The following PPP1R16B variants were observed in gnomAD, a reference collection of about 807,000 sequenced individuals.
The protein encoded by PPP1R16B is protein phosphatase 1 regulatory subunit 16B, also known as protein phosphatase 1 regulatory inhibitor subunit 16B.
Under a neutral mutation model 61.7 loss-of-function variants are expected in PPP1R16B, and 14 were observed. That is an observed-to-expected ratio of 0.23 (90% CI 0.15 to 0.35). The LOEUF (loss-of-function observed/expected upper bound fraction) is 0.35, where lower values mean the gene tolerates loss of function less well. PPP1R16B is among the 10% of genes least tolerant of loss of function. The pLI is 1.00. For synonymous variants in PPP1R16B, 266 were observed against 305.3 expected, an observed-to-expected ratio of 0.87 and a Z score of 1.34; for missense variants, 547 against 752.5, an observed-to-expected ratio of 0.73 and a Z score of 3.19.
At chr20:38,865,450 C>T (rs761123222) in intron 2 of PPP1R16B, among the ~76,000 whole-genome samples, 9 of 152,088 alleles carry the variant, frequency 5.9e-5, no homozygotes, top group African/African-American at 2.2e-4. Context: ...CCACCACGGC[C>T]GGCTAATTTT....
chr20:38,810,064 C>G (rs927593758), intron 1 of PPP1R16B, among the ~76,000 whole-genome samples: 5 of 149,696 alleles, frequency 3.3e-5, no homozygotes, highest in African/African-American at 1.2e-4. Flanking sequence ...TAAGTGCTCA[C>G]AGATGTTCGT....
chr20:38,836,326 C>A, intron 2 of PPP1R16B, 151 bp downstream of exon 2: 2 of 1,167,294 alleles, frequency 1.7e-6, no homozygotes, highest in Non-Finnish European at 2.4e-6. Context: ...AGGAAGTGGA[C>A]GTTCCTAGGA....
intron 4 of PPP1R16B, among the ~76,000 whole-genome samples, chr20:38,897,960 T>C (rs2065726433): frequency 6.6e-6 from 1 of 152,232 alleles, no homozygotes. Flanking sequence ...GTTTTTGTCA[T>C]TGAATTTTAG....
chr20:38,917,110 A>G (rs1309587503), intron 10 of PPP1R16B, among the ~76,000 whole-genome samples: 2 of 152,178 alleles, frequency 1.3e-5, no homozygotes, highest in African/African-American at 2.4e-5. Context: ...CAGCCTGGCC[A>G]GCATGGTGAA....
chr20:38,895,870 C>CCTTCCTTCTTTCTCTCCTCCCTT lies in PPP1R16B; in HGVS notation c.467+161_467+162insTTCCTTCTTTCTCTCCTCCCTTC, dbSNP rs1568678913. 9.7e-4 allele frequency among the ~76,000 whole-genome samples: 54 copies of CCTTCCTTCTTTCTCTCCTCCCTT among 55,842 alleles called. 8 individuals carry two copies. The highest frequency in any genetic ancestry group is 3.2e-3 in the African/African-American group (33 of 10,244). 36.6% of individuals were successfully genotyped at this position (55,842 alleles called of 152,430 possible). A position where few individuals can be genotyped will look rare whatever the true frequency, so the allele number is the denominator to read the frequency against. ...CTCCTTCCTTCTTTCTTCCCTCCCT[C>CCTTCCTTCTTTCTCTCCTCCCTT]CCTCCTTCCTTCTTTCTTCCCTCCC... On this transcript the variant is annotated intron_variant, in intron 4 of 10. Transcript: ENST00000299824.
chr20:38,908,133 G>T lies in PPP1R16B; in HGVS notation c.1134G>T (p.Arg378=). Residue 378 remains arginine (R), a synonymous_variant, in exon 10 of 11, where the codon CGG becomes CGT. Transcript: ENST00000299824. ...AGCGGAGTGCAGCTGAGGATCAGCG[G>T]ACCTCCACCTACAACGGGGACATCA... The part of the protein sequence containing the change: ...LWQRSAAEDQ[R]TSTYNGDIRE... 1 of 1,614,254 alleles carries T rather than the reference G, an allele frequency of 6.2e-7. No individual in the cohort carries two copies.
intron 2 of PPP1R16B, among the ~76,000 whole-genome samples, chr20:38,876,515 CTCT>C (rs960325068): frequency 7.3e-6 from 1 of 137,034 alleles, no homozygotes; most frequent in Admixed American, 8.1e-5. Context: ...CCAAATATTA[CTCT>C]TCTTTGATTT....
intron 2 of PPP1R16B, among the ~76,000 whole-genome samples, chr20:38,885,036 C>CA (rs71330453): frequency 0.6 from 40,847 of 67,852 alleles, 12,501 homozygotes; most frequent in South Asian, 0.71. Context: ...AACTCTGTCT[C>CA]AAAAAAAAAA....
At chr20:38,893,294 G>A (rs1452074840) in intron 3 of PPP1R16B, among the ~76,000 whole-genome samples, 1 of 152,156 alleles carries the variant, frequency 6.6e-6, no homozygotes, top group East Asian at 1.9e-4. Context: ...TAGCTCCAGT[G>A]CAACAAAGGA....
chr20:38,817,487 C>G (rs893273574), intron 1 of PPP1R16B, among the ~76,000 whole-genome samples: 5 of 151,370 alleles, frequency 3.3e-5, no homozygotes, highest in African/African-American at 1.2e-4. Flanking sequence ...ATCACTTGAA[C>G]CTGGGAGCCG....
At chr20:38,849,778 T>C (rs1259889534) in intron 2 of PPP1R16B, among the ~76,000 whole-genome samples, 1 of 151,994 alleles carries the variant, frequency 6.6e-6, no homozygotes, top group Non-Finnish European at 1.5e-5. Flanking sequence ...CATACCCATG[T>C]AACTAATCAG....
At chr20:38,871,776 T>C (rs2085131841) in intron 2 of PPP1R16B, among the ~76,000 whole-genome samples, 1 of 152,176 alleles carries the variant, frequency 6.6e-6, no homozygotes, top group South Asian at 2.1e-4. Context: ...CATGTGACTG[T>C]GGGTGCAGGT....
chr20:38,822,526 T>C (rs902543970), intron 1 of PPP1R16B, among the ~76,000 whole-genome samples: 95 of 147,864 alleles, frequency 6.4e-4, no homozygotes, highest in Admixed American at 1.4e-3. Flanking sequence ...TTTTTTTTTT[T>C]CTGTCTAGAG....
chr20:38,817,492 G>A (rs1444517018), intron 1 of PPP1R16B, among the ~76,000 whole-genome samples: 3 of 150,634 alleles, frequency 2.0e-5, no homozygotes, highest in African/African-American at 7.3e-5. Flanking sequence ...TTGAACCTGG[G>A]AGCCGGAAGC....
chr20:38,894,408 G>C (rs988646347), intron 3 of PPP1R16B, among the ~76,000 whole-genome samples: 3 of 152,208 alleles, frequency 2.0e-5, no homozygotes, highest in Admixed American at 2.0e-4. Context: ...TCTCTTAACT[G>C]GGTGGCTTCA....
Position 38,807,526 on chromosome 20 carries a change from C to G in PPP1R16B, c.-102+1734C>G, listed in dbSNP as rs577406680. On this transcript the variant is annotated intron_variant, in intron 1 of 10. Coordinates refer to ENST00000299824, the MANE Select transcript of PPP1R16B (RefSeq NM_015568.4). ...GAGTTTCCACATCTTCCTCCCCCAG[C>G]TCTGTCATAAAAAGCCAGCTTGCAG... Among the ~76,000 whole-genome samples, 5 of 152,258 alleles carry G rather than the reference C, an allele frequency of 3.3e-5. No homozygotes were observed. The East Asian group carries it at 9.6e-4, about 29-fold the overall frequency.
intron 2 of PPP1R16B, among the ~76,000 whole-genome samples, chr20:38,837,959 G>C (rs1451462067): frequency 6.6e-6 from 1 of 152,184 alleles, no homozygotes; most frequent in East Asian, 1.9e-4. Flanking sequence ...AGTGCTTTAA[G>C]AGCCATGTAT....
intron 1 of PPP1R16B, among the ~76,000 whole-genome samples, chr20:38,814,313 A>C (rs2084721339): frequency 6.6e-6 from 1 of 152,074 alleles, no homozygotes. Context: ...CCCTACTCTG[A>C]GGGAGTACCT....
intron 3 of PPP1R16B, among the ~76,000 whole-genome samples, chr20:38,895,284 C>T (rs1190544276): frequency 6.6e-6 from 1 of 150,842 alleles, no homozygotes; most frequent in Non-Finnish European, 1.5e-5. Flanking sequence ...CTGATACTTG[C>T]AAAGCACTTT....
Sources: gnomAD v4.1 joint callset for allele counts (sites outside exome capture counted in the v4.1 genomes callset) on GRCh38, gnomAD v4.1.1 for gene constraint, MANE v1.5 for transcripts, NCBI Gene and HGNC (gene_info 2026-07-23, HGNC 2026-07-21) for gene names.